Variants in PPEF1 observed in about 807,000 individuals in gnomAD.
PPEF1 encodes serine/threonine-protein phosphatase with EF-hands 1.
PPEF1 carries 12 observed loss-of-function variants against 53.3 expected under a neutral mutation model. The ratio of observed to expected loss-of-function variants is 0.23; its 90% CI spans 0.14 to 0.36. The LOEUF (loss-of-function observed/expected upper bound fraction) is 0.36, where lower values mean the gene tolerates loss of function less well. Ranked by LOEUF, PPEF1 falls within the 10% of genes least tolerant of loss-of-function variation. The pLI is 1.00. For synonymous variants in PPEF1, 165 were observed against 176.7 expected (o/e 0.93, Z 0.52); for missense variants, 334 against 490.4 (o/e 0.68, Z 3.01).
intron 13 of PPEF1, among the ~76,000 whole-genome samples, chrX:18,822,235 T>C (rs748106852): frequency 9.0e-6 from 1 of 111,388 alleles, no homozygotes; most frequent in African/African-American, 3.3e-5. Flanking sequence ...AGAAAAGCTT[T>C]TTCTTTTGCT....
intron 10 of PPEF1, among the ~76,000 whole-genome samples, chrX:18,792,242 G>T (rs2046337305): frequency 8.9e-6 from 1 of 112,441 alleles, no homozygotes; most frequent in African/African-American, 3.2e-5. Context: ...GTCTGTGAAG[G>T]ATTGATTTTA....
chrX:18,768,867 G>A lies in PPEF1; in HGVS notation c.558+7291G>A, dbSNP rs147242196. On this transcript the variant is annotated intron_variant, in intron 6 of 15. Transcript: ENST00000470157. ...GGAGTCCTAAAAGAACCCACTGGCA[G>A]AGCACCTAACCTTATGGAAGACTTC... Among the ~76,000 whole-genome samples the A allele has an allele frequency of 3.0e-3, 339 of 111,910 alleles. 3 individuals carry two copies. The highest frequency in any genetic ancestry group is 0.01 in the African/African-American group (316 of 30,859).
chrX:18,763,947 G>C (rs1602425928), intron 6 of PPEF1, among the ~76,000 whole-genome samples: 1 of 111,492 alleles, frequency 9.0e-6, no homozygotes, highest in African/African-American at 3.3e-5. Flanking sequence ...GAGCCGAGGG[G>C]GCTGGTGAAA....
rs745452856 is a variant in PPEF1 at position 18,733,727 on chromosome X, AT to A, written c.175-12del. 113 of 1,140,880 alleles carry A rather than the reference AT, an allele frequency of 9.9e-5. No individual in the cohort carries two copies. The highest frequency in any genetic ancestry group is 3.4e-4 in the Admixed American group (14 of 41,203). The allele number at this position is 1,140,880 out of a possible 1,213,427, so 94.0% of individuals were successfully genotyped here. Reference sequence around the variant, plus strand: ...CTGTTTGGGGTTCACTAATTGATTAATTTTTTTTTATTTTGTCCAGTTATCC... The same window carrying A: ...CTGTTTGGGGTTCACTAATTGATTAATTTTTTTTATTTTGTCCAGTTATCC... On this transcript the variant is annotated intron_variant, in intron 2 of 15. Transcript: ENST00000470157.
intron 8 of PPEF1, 123 bp downstream of exon 8, chrX:18,782,525 T>G: frequency 2.0e-6 from 1 of 488,605 alleles, no homozygotes; most frequent in African/African-American, 2.5e-5. Flanking sequence ...CTAGTCAGAA[T>G]GCATGCCAAT....
upstream of PPEF1, among the ~76,000 whole-genome samples, chrX:18,680,866 G>A (rs1928860150): frequency 9.5e-6 from 1 of 105,372 alleles, no homozygotes; most frequent in Admixed American, 1.1e-4. Context: ...AACATGCAGT[G>A]TTTGGTTTTT....
At chrX:18,734,631 T>A (rs1039799743) in intron 3 of PPEF1, among the ~76,000 whole-genome samples, 1 of 111,489 alleles carries the variant, frequency 9.0e-6, no homozygotes, top group East Asian at 2.8e-4. Context: ...TATAATCCTT[T>A]GGGTATATAC....
At chrX:18,745,132 AT>A (rs1218042251) in intron 3 of PPEF1, among the ~76,000 whole-genome samples, 2 of 93,350 alleles carry the variant, frequency 2.1e-5, no homozygotes, top group Non-Finnish European at 4.1e-5. Context: ...ATATTATATA[AT>A]TATATTATAT....
At chrX:18,729,743 T>A (rs1242809167) in intron 1 of PPEF1, among the ~76,000 whole-genome samples, 1 of 112,300 alleles carries the variant, frequency 8.9e-6, no homozygotes, top group Non-Finnish European at 1.9e-5. Flanking sequence ...GAATTGCCTT[T>A]GGGGTACGTA....
intron 1 of PPEF1, among the ~76,000 whole-genome samples, chrX:18,729,896 C>A (rs1420073955): frequency 8.9e-6 from 1 of 112,009 alleles, no homozygotes; most frequent in African/African-American, 3.2e-5. Context: ...ATAACTTACC[C>A]AAAGTAACAT....
At chrX:18,712,948 G>C (rs923613885) in intron 1 of PPEF1, among the ~76,000 whole-genome samples, 2 of 111,772 alleles carry the variant, frequency 1.8e-5, no homozygotes, top group East Asian at 5.6e-4. Flanking sequence ...TTGATGTTAA[G>C]CCAACTTCGC....
chrX:18,807,810 C>T (rs1241557336), intron 12 of PPEF1, among the ~76,000 whole-genome samples: 1 of 109,653 alleles, frequency 9.1e-6, no homozygotes, highest in Non-Finnish European at 1.9e-5. Flanking sequence ...CGGGCATGCC[C>T]CACCACGCTG....
chrX:18,733,891 A>G, intron 3 of PPEF1, 83 bp downstream of exon 3: 1 of 774,905 alleles, frequency 1.3e-6, no homozygotes, highest in Non-Finnish European at 1.8e-6. Context: ...TGAAGATGGG[A>G]GAACACTATG....
At chrX:18,688,460 C>T (rs982328953) in intron 3 of PPEF1, among the ~76,000 whole-genome samples, 1 of 112,886 alleles carries the variant, frequency 8.9e-6, no homozygotes, top group African/African-American at 3.2e-5. Flanking sequence ...CATTGCTTCT[C>T]ATTAGTTACA....
Position 18,789,284 on chromosome X carries a change from A to G in PPEF1, c.1065+11A>G, listed in dbSNP as rs370453131. On this transcript the variant is annotated intron_variant, in intron 10 of 15. Coordinates refer to ENST00000470157, the MANE Select transcript of PPEF1 (RefSeq NM_001377996.1). ...CATGAATGGGAACAGGTAGGTAATC[A>G]GGGTGTTCACTGCAGTGGCAACAAT... 4.2e-6 allele frequency: 5 copies of G among 1,201,535 alleles called. No individual in the cohort carries two copies. In the African/African-American group the frequency reaches 7.0e-5, roughly 17 times the overall value.
chrX:18,805,069 C>G (rs1421121500), intron 11 of PPEF1, among the ~76,000 whole-genome samples: 1 of 109,633 alleles, frequency 9.1e-6, no homozygotes, highest in Non-Finnish European at 1.9e-5. Flanking sequence ...TTACTGCAAC[C>G]TCCGCCTCCC....
intron 2 of PPEF1, among the ~76,000 whole-genome samples, chrX:18,684,922 C>T (rs752125771): frequency 2.7e-5 from 3 of 112,103 alleles, no homozygotes; most frequent in South Asian, 3.7e-4. Context: ...CCACCACACC[C>T]GGCAGAGATG....
At chrX:18,826,094 TA>T (rs757282061) in intron 15 of PPEF1, among the ~76,000 whole-genome samples, 35 of 111,906 alleles carry the variant, frequency 3.1e-4, no homozygotes, top group Non-Finnish European at 6.2e-4. Flanking sequence ...AAGCAAAGGC[TA>T]ATCTGGTTCT....
At chrX:18,807,713 G>T (rs1275762937) in intron 12 of PPEF1, among the ~76,000 whole-genome samples, 1 of 111,603 alleles carries the variant, frequency 9.0e-6, no homozygotes, top group Non-Finnish European at 1.9e-5. Context: ...AGGCTGGAGT[G>T]CAGTGGCACG....
Sources: gnomAD v4.1 joint callset for allele counts (sites outside exome capture counted in the v4.1 genomes callset) on GRCh38, gnomAD v4.1.1 for gene constraint, MANE v1.5 for transcripts, NCBI Gene and HGNC (gene_info 2026-07-23, HGNC 2026-07-21) for gene names.